The following FLRT2 variants were observed in gnomAD, a reference collection of about 807,000 sequenced individuals.
FLRT2 encodes fibronectin leucine rich transmembrane protein 2, also known as leucine-rich repeat transmembrane protein FLRT2.
In FLRT2, 15 loss-of-function variants were observed where a neutral mutation model predicts 40.0. The observed-to-expected ratio is 0.38, with a 90% CI of 0.25 to 0.58. The LOEUF is 0.58. Among genes scored for constraint, FLRT2 ranks in the 20% least tolerant of loss-of-function variants. FLRT2 has a pLI of 0.71. For missense variants in FLRT2, 726 were observed against 840.0 expected (o/e 0.86, Z 1.68); for synonymous variants, 380 against 336.8 (o/e 1.13, Z -1.41).
At chr14:85,542,720 A>G (rs1889049650) in intron 1 of FLRT2, among the ~76,000 whole-genome samples, 1 of 152,210 alleles carries the variant, frequency 6.6e-6, no homozygotes, top group Non-Finnish European at 1.5e-5. Context: ...GAACAAGTCC[A>G]GTGGTGCTGA....
chr14:85,621,422 C>T lies in FLRT2; in HGVS notation c.-93C>T, dbSNP rs143193106. On this transcript the variant is annotated 5_prime_UTR_variant, in exon 2 of 2. Coordinates refer to ENST00000330753, the MANE Select transcript of FLRT2 (RefSeq NM_013231.6). The stretch of plus-strand genomic sequence containing the variant: ...CTCTAGCTGGAGTTCTGGACTTCAA[C>T]AGAACCCCATCCAGTCATTTTGATT... The T allele has an allele frequency of 4.9e-6, 6 of 1,228,004 alleles. No homozygotes were observed. Among genetic ancestry groups the T allele is most frequent in the Non-Finnish European group, 6.7e-6 (6 of 894,502 alleles). 76.1% of individuals were successfully genotyped at this position (1,228,004 alleles called of 1,614,324 possible).
At position 85,636,359 on chromosome 14, in the gene FLRT2, T is replaced by C. The variant is rs1244110310; in HGVS notation, c.*12862T>C. 3 of 112,422 alleles carry C rather than the reference T, an allele frequency of 2.7e-5. No homozygotes were observed. Among genetic ancestry groups the C allele is most frequent in the East Asian group, 2.7e-4 (1 of 3,642 alleles). The allele number at this position is 112,422 out of a possible 1,614,324, so 7.0% of individuals were successfully genotyped here. A position where few individuals can be genotyped will look rare whatever the true frequency, so the allele number is the denominator to read the frequency against. On this transcript the variant is annotated 3_prime_UTR_variant, in exon 2 of 2. Coordinates refer to ENST00000330753, the MANE Select transcript of FLRT2 (RefSeq NM_013231.6). ...AAGAACATCACTAACATTGCCTAAA[T>C]GTAGGAAAATCAAAGGTGAAGTCAC...
chr14:85,596,691 T>C (rs1158591239), intron 1 of FLRT2, among the ~76,000 whole-genome samples: 1 of 152,198 alleles, frequency 6.6e-6, no homozygotes, highest in Non-Finnish European at 1.5e-5. Context: ...TCTTAGCCTA[T>C]CATGATGGTA....
At chr14:85,619,948 G>A (rs975193523) in intron 1 of FLRT2, among the ~76,000 whole-genome samples, 6 of 152,210 alleles carry the variant, frequency 3.9e-5, no homozygotes, top group Admixed American at 1.3e-4. Flanking sequence ...CAGACGGAAG[G>A]AAGGTGGTGC....
rs960563719 is a variant in FLRT2, at chr14:85,633,202, G to A, written c.*9705G>A. On this transcript the variant is annotated 3_prime_UTR_variant, in exon 2 of 2. Transcript: ENST00000330753. ...AATTTGCACAGCTATTATCAAGATG[G>A]GTCTGTCAGAAAGGTTTTCATTATT... 2 of 152,030 alleles carry A rather than the reference G, an allele frequency of 1.3e-5. No individual in the cohort carries two copies. Among genetic ancestry groups the A allele is most frequent in the African/African-American group, 4.8e-5 (2 of 41,386 alleles). The allele number at this position is 152,030 out of a possible 1,614,324, so 9.4% of individuals were successfully genotyped here.
chr14:85,640,103 C>G lies in FLRT2; in HGVS notation c.*16606C>G, dbSNP rs1894118004. 1 of 152,302 alleles carries G rather than the reference C, an allele frequency of 6.6e-6. No homozygotes were observed. The highest frequency in any genetic ancestry group is 6.5e-5 in the Admixed American group (1 of 15,284). The allele number at this position is 152,302 out of a possible 1,614,324, so 9.4% of individuals were successfully genotyped here. ...GACCTCGTGATCCGCCCGCCTCGGCCTCCCAAAGTGCTGGGATTACAGGCG... is the reference window on the plus strand; with the variant it reads ...GACCTCGTGATCCGCCCGCCTCGGCGTCCCAAAGTGCTGGGATTACAGGCG... On this transcript the variant is annotated 3_prime_UTR_variant, in exon 2 of 2. Transcript: ENST00000330753.
chr14:85,625,054 G>A lies in FLRT2; in HGVS notation c.*1557G>A, dbSNP rs1172688217. 6.0e-6 allele frequency: 1 copy of A among 167,056 alleles called. No individual in the cohort carries two copies. The highest frequency in any genetic ancestry group is 1.5e-5 in the Non-Finnish European group (1 of 68,122). The allele number at this position is 167,056 out of a possible 1,614,324, so 10.3% of individuals were successfully genotyped here. On this transcript the variant is annotated 3_prime_UTR_variant, in exon 2 of 2. Transcript: ENST00000330753. ...CCTAATCCTGGCAGAGCAGGGCGTA[G>A]AAAAGAGAGGATGTCCGTGCTTAAT...
intron 1 of FLRT2, among the ~76,000 whole-genome samples, chr14:85,550,779 T>C (rs1011357692): frequency 6.6e-6 from 1 of 152,216 alleles, no homozygotes; most frequent in African/African-American, 2.4e-5. Context: ...TATATTTGAT[T>C]ATATTTTTCT....
rs1893697997 is a variant in FLRT2 at position 85,626,719 on chromosome 14, T to G, written c.*3222T>G. 1 of 167,058 alleles carries G rather than the reference T, an allele frequency of 6.0e-6. No homozygotes were observed. The highest frequency in any genetic ancestry group is 1.5e-5 in the Non-Finnish European group (1 of 68,110). The allele number at this position is 167,058 out of a possible 1,614,324, so 10.3% of individuals were successfully genotyped here. A position where few individuals can be genotyped will look rare whatever the true frequency, so the allele number is the denominator to read the frequency against. ...CTGCCTATTTTCCTTGTGTAACAAATGGAAAACATTCTCCCCTGTGAGAAA... is the reference window on the plus strand; with the variant it reads ...CTGCCTATTTTCCTTGTGTAACAAAGGGAAAACATTCTCCCCTGTGAGAAA... On this transcript the variant is annotated 3_prime_UTR_variant, in exon 2 of 2. Transcript: ENST00000330753.
intron 1 of FLRT2, among the ~76,000 whole-genome samples, chr14:85,588,372 A>G (rs1318874114): frequency 6.6e-6 from 1 of 151,970 alleles, no homozygotes; most frequent in African/African-American, 2.4e-5. Flanking sequence ...CAAGGCAGGT[A>G]TGCTGTGTTA....
rs868033706 is a variant in FLRT2 at position 85,651,238 on chromosome 14, T to C, written c.*27741T>C. On this transcript the variant is annotated 3_prime_UTR_variant, in exon 2 of 2. Transcript: ENST00000330753. Reference sequence around the variant, plus strand: ...TTATTTTCATTTAAGTCAAAGGACATAGCCTGGAAAGTATTCGTTTGTTTG... The same window carrying C: ...TTATTTTCATTTAAGTCAAAGGACACAGCCTGGAAAGTATTCGTTTGTTTG... The C allele has an allele frequency of 3.3e-5, 5 of 150,494 alleles. No homozygotes were observed. Among genetic ancestry groups the C allele is most frequent in the Admixed American group, 6.7e-5 (1 of 14,820 alleles). 9.3% of individuals were successfully genotyped at this position (150,494 alleles called of 1,614,324 possible). A position where few individuals can be genotyped will look rare whatever the true frequency, so the allele number is the denominator to read the frequency against.
intron 1 of FLRT2, among the ~76,000 whole-genome samples, chr14:85,539,156 G>C (rs907224300): frequency 2.0e-5 from 3 of 151,832 alleles, no homozygotes; most frequent in Non-Finnish European, 2.9e-5. Flanking sequence ...TCACATCCAG[G>C]ATTTCATTTA....
At position 85,563,968 on chromosome 14, in the gene FLRT2, T is replaced by C. The variant is rs191113615; in HGVS notation, c.-377+33434T>C. ...ATGAGAGTTTAAAGGGAGACACTCA[T>C]GTAGAAGCCCTAGTGTGAAAGGGCC... is the stretch of plus-strand genomic sequence containing the variant. On this transcript the variant is annotated intron_variant, in intron 1 of 1. Transcript: ENST00000330753. 6.3e-4 allele frequency among the ~76,000 whole-genome samples: 96 copies of C among 152,314 alleles called. 1 individual carries two copies. The highest frequency in any genetic ancestry group is 3.4e-3 in the Middle Eastern group (1 of 294).
intron 1 of FLRT2, among the ~76,000 whole-genome samples, chr14:85,611,775 T>TATG (rs1018211118): frequency 9.2e-5 from 14 of 152,228 alleles, no homozygotes; most frequent in African/African-American, 2.9e-4. Flanking sequence ...ATTATTCCCT[T>TATG]ATGTATGAAT....
At position 85,649,507 on chromosome 14, in the gene FLRT2, T is replaced by C. The variant is rs186008042; in HGVS notation, c.*26010T>C. On this transcript the variant is annotated 3_prime_UTR_variant, in exon 2 of 2. Transcript: ENST00000330753. ...ACTCCTTAACCACATTTGTTATCAG[T>C]AGCACACAATATATTGGATTAAGTT... 6.6e-6 allele frequency: 1 copy of C among 152,254 alleles called. No homozygotes were observed. The highest frequency in any genetic ancestry group is 1.5e-5 in the Non-Finnish European group (1 of 67,998). 9.4% of individuals were successfully genotyped at this position (152,254 alleles called of 1,614,324 possible).
At chr14:85,603,024 C>A (rs1322860549) in intron 1 of FLRT2, among the ~76,000 whole-genome samples, 1 of 152,106 alleles carries the variant, frequency 6.6e-6, no homozygotes, top group South Asian at 2.1e-4. Context: ...ATGCCCTGTT[C>A]TCTTCAAATC....
intron 1 of FLRT2, among the ~76,000 whole-genome samples, chr14:85,564,573 G>A (rs1890529879): frequency 1.3e-5 from 2 of 152,128 alleles, no homozygotes; most frequent in Non-Finnish European, 2.9e-5. Context: ...TTGGCAAAAG[G>A]GCTAGTTTTC....
chr14:85,603,417 G>A (rs368477313), intron 1 of FLRT2, among the ~76,000 whole-genome samples: 6 of 152,198 alleles, frequency 3.9e-5, no homozygotes, highest in Admixed American at 6.5e-5. Context: ...TTCAAAACCA[G>A]CATATAAAGA....
chr14:85,605,576 C>T (rs1285806713), intron 1 of FLRT2, among the ~76,000 whole-genome samples: 2 of 152,090 alleles, frequency 1.3e-5, no homozygotes, highest in African/African-American at 4.8e-5. Flanking sequence ...CGAGACCATC[C>T]TGGCTAACAC....
Sources: allele counts gnomAD v4.1 joint callset (sites outside exome capture counted in the v4.1 genomes callset), GRCh38; gene constraint gnomAD v4.1.1; transcripts MANE v1.5; gene names NCBI Gene and HGNC (gene_info 2026-07-23, HGNC 2026-07-21).